The following TRMT10A variants were observed in gnomAD, a reference collection of about 807,000 sequenced individuals.
TRMT10A encodes tRNA methyltransferase 10 homolog A.
Under a neutral mutation model 40.4 loss-of-function variants are expected in TRMT10A, and 37 were observed. The observed-to-expected ratio is 0.92, with a 90% CI of 0.71 to 1.21. TRMT10A has a LOEUF of 1.21. TRMT10A is among the 50% of genes most tolerant of loss of function. The probability of loss-of-function intolerance (pLI) is 0.00; values close to 1 mark genes in which losing one functional copy is unlikely to be tolerated. For missense variants in TRMT10A, 388 were observed against 404.3 expected (o/e 0.96, Z 0.35); for synonymous variants, 103 against 134.1 (o/e 0.77, Z 1.60).
At chr4:99,561,576 C>G (rs539013950) in intron 1 of TRMT10A, among the ~76,000 whole-genome samples, 1 of 152,178 alleles carries the variant, frequency 6.6e-6, no homozygotes, top group Non-Finnish European at 1.5e-5. Context: ...AACCTGATAT[C>G]TTATAAATTA....
At chr4:99,555,942 G>C (rs1724145766) in intron 5 of TRMT10A, among the ~76,000 whole-genome samples, 2 of 152,152 alleles carry the variant, frequency 1.3e-5, no homozygotes, top group Admixed American at 1.3e-4. Flanking sequence ...AAATAGGGAA[G>C]ATTTAATGAG....
intron 4 of TRMT10A, 85 bp downstream of exon 4, chr4:99,557,260 G>T (rs1724197038): frequency 1.5e-6 from 2 of 1,364,190 alleles, no homozygotes; most frequent in East Asian, 2.4e-5. Context: ...TAAGACTACT[G>T]CAAAGACTAT....
chr4:99,563,153 ACGT>A (rs2110198577), intron 1 of TRMT10A, among the ~76,000 whole-genome samples: 2 of 152,322 alleles, frequency 1.3e-5, no homozygotes, highest in South Asian at 4.2e-4. Context: ...TGCGGACTAA[ACGT>A]GGAGGAGCGA....
At chr4:99,562,940 G>GC (rs915523891) in intron 1 of TRMT10A, among the ~76,000 whole-genome samples, 8 of 152,028 alleles carry the variant, frequency 5.3e-5, no homozygotes, top group Non-Finnish European at 8.8e-5. Context: ...TCCTGCCTCA[G>GC]CCCCCCCAGT....
chr4:99,559,554 A>G (rs1171732926), intron 1 of TRMT10A, among the ~76,000 whole-genome samples, 193 bp from the exon 2 acceptor site: 1 of 152,232 alleles, frequency 6.6e-6, no homozygotes, highest in Non-Finnish European at 1.5e-5. Context: ...GTCTAAAGAA[A>G]TGGGGTGTTT....
intron 4 of TRMT10A, among the ~76,000 whole-genome samples, chr4:99,556,948 G>T (rs1255956718): frequency 6.6e-6 from 1 of 152,098 alleles, no homozygotes; most frequent in East Asian, 1.9e-4. Context: ...CCTTTAAGTA[G>T]ACAAAATCTA....
Position 99,549,358 on chromosome 4 carries a change from T to A in TRMT10A, c.752-2A>T. 6.2e-7 allele frequency: 1 copy of A among 1,613,650 alleles called. No homozygotes were observed. Among genetic ancestry groups the A allele is most frequent in the Non-Finnish European group, 8.5e-7 (1 of 1,179,692 alleles). ...GGTATTCCAGAATAATTTCAAACACTGCAATAAAGACATATTCCGTACATT... is the reference window on the plus strand; with the variant it reads ...GGTATTCCAGAATAATTTCAAACACAGCAATAAAGACATATTCCGTACATT... On this transcript the variant is annotated splice_acceptor_variant, in intron 7 of 7. Coordinates refer to ENST00000394876, the MANE Select transcript of TRMT10A (RefSeq NM_001134665.3). LOFTEE classifies it high-confidence loss of function.
At chr4:99,551,192 T>G (rs1300587068) in intron 6 of TRMT10A, among the ~76,000 whole-genome samples, 1 of 152,166 alleles carries the variant, frequency 6.6e-6, no homozygotes, top group Non-Finnish European at 1.5e-5. Context: ...GTGCAGAGCA[T>G]TTGTTTTAAG....
At chr4:99,562,201 A>ATGTGTGTGTGTGTGTT (rs1553924867) in intron 1 of TRMT10A, among the ~76,000 whole-genome samples, 141 of 136,176 alleles carry the variant, frequency 1.0e-3, no homozygotes, top group African/African-American at 3.1e-3. Flanking sequence ...ATATATATAT[A>ATGTGTGTGTGTGTGTT]TGTGTGTGTG....
rs1723820209 is a variant in TRMT10A at position 99,548,423 on chromosome 4, CTT to C, written c.*663_*664del. 1 of 152,040 alleles carries C rather than the reference CTT, an allele frequency of 6.6e-6. No homozygotes were observed. Among genetic ancestry groups the C allele is most frequent in the Non-Finnish European group, 1.5e-5 (1 of 67,960 alleles). 9.4% of individuals were successfully genotyped at this position (152,040 alleles called of 1,614,324 possible). On this transcript the variant is annotated 3_prime_UTR_variant, in exon 8 of 8. Coordinates refer to ENST00000394876, the MANE Select transcript of TRMT10A (RefSeq NM_001134665.3). ...AAATTCAATTTTATAATTGAAGTAACTTATCACCATTGTAAGAATTAAGAAAA... is the reference window on the plus strand; with the variant it reads ...AAATTCAATTTTATAATTGAAGTAACATCACCATTGTAAGAATTAAGAAAA...
intron 1 of TRMT10A, chr4:99,563,522 G>A (rs944769610): frequency 9.5e-6 from 2 of 211,324 alleles, no homozygotes; most frequent in Non-Finnish European, 9.9e-6. Context: ...CGGCCCTTTA[G>A]AGTACAGATT....
In TRMT10A at chr4:99,557,353, G is replaced by C; in HGVS notation, c.412C>G (p.Pro138Ala). 1 of 1,613,044 alleles carries C rather than the reference G, an allele frequency of 6.2e-7. No individual in the cohort carries two copies. The highest frequency in any genetic ancestry group is 8.5e-7 in the Non-Finnish European group (1 of 1,179,302). The part of the protein sequence containing the change: ...CYAENRRALH[P>A]VQFYLTSHGG... ...AAAATCTTTACACATACCTGCACAG[G>C]ATGCAGTGCCCGTCGGTTTTCTGCG... Residue 138 changes from proline (P) to alanine (A), a missense_variant, in exon 4 of 8, where the codon CCT becomes GCT. Coordinates refer to ENST00000394876, the MANE Select transcript of TRMT10A (RefSeq NM_001134665.3).
chr4:99,554,903 C>T (rs1491233), intron 5 of TRMT10A, among the ~76,000 whole-genome samples: 90,369 of 151,952 alleles, frequency 0.59, 30,238 homozygotes, highest in African/African-American at 0.9. Context: ...GCCACATTGA[C>T]TGCATAAAAG....
chr4:99,559,954 A>C (rs1476068367), intron 1 of TRMT10A, among the ~76,000 whole-genome samples: 3 of 152,154 alleles, frequency 2.0e-5, no homozygotes, highest in Non-Finnish European at 4.4e-5. Context: ...AGGTATACAC[A>C]CACACGTTTA....
At chr4:99,554,451 G>A (rs947180091) in intron 5 of TRMT10A, among the ~76,000 whole-genome samples, 2 of 152,088 alleles carry the variant, frequency 1.3e-5, no homozygotes, top group African/African-American at 2.4e-5. Context: ...GGCCACGTGC[G>A]GTGGCTCATG....
intron 1 of TRMT10A, among the ~76,000 whole-genome samples, chr4:99,561,052 C>T (rs1382491305): frequency 6.6e-6 from 1 of 151,876 alleles, no homozygotes; most frequent in African/African-American, 2.4e-5. Context: ...CTGCAACCTC[C>T]GCCTCCCAGG....
Position 99,553,809 on chromosome 4 carries a change from T to C in TRMT10A, c.621A>G (p.Gly207=), listed in dbSNP as rs531235023. The part of the protein sequence containing the change: ...LDESKAYVIG[G]LVDHNHHKGL... ...CCTTGTGATGGTTGTGATCTACTAA[T>C]CCTCCAATCACATAGGCCTTTGATT... Residue 207 remains glycine (G), a synonymous_variant, in exon 6 of 8, where the codon GGA becomes GGG. Coordinates refer to ENST00000394876, the MANE Select transcript of TRMT10A (RefSeq NM_001134665.3). 5 of 1,611,920 alleles carry C rather than the reference T, an allele frequency of 3.1e-6. No homozygotes were observed. In the South Asian group the frequency reaches 5.5e-5, roughly 18 times the overall value.
Position 99,558,212 on chromosome 4 carries a change from C to T in TRMT10A, c.186-1G>A. The T allele has an allele frequency of 6.3e-7, 1 of 1,590,320 alleles. No homozygotes were observed. Among genetic ancestry groups the T allele is most frequent in the South Asian group, 1.2e-5 (1 of 86,344 alleles). The stretch of plus-strand genomic sequence containing the variant: ...CTTGCGTTTTTCTTTTCGCTTTTGT[C>T]TAAAATTAGTAATTGAAATAACATT... On this transcript the variant is annotated splice_acceptor_variant, in intron 2 of 7. Coordinates refer to ENST00000394876, the MANE Select transcript of TRMT10A (RefSeq NM_001134665.3). LOFTEE classifies it high-confidence loss of function.
In TRMT10A at chr4:99,556,203, G is replaced by C. The variant is rs767404604; in HGVS notation, c.438C>G (p.His146Gln). The change falls in exon 5 of 8, where the codon CAC becomes CAG. Residue 146 changes from histidine (H) to glutamine (Q), a missense_variant. Physicochemically the swap from His to Gln is conservative, Grantham distance 24. Transcript: ENST00000394876. ...LHPVQFYLTS[H>Q]GGQLKKNMDE... ...CCATGTTCTTTTTCAGCTGGCCTCC[G>C]TGGCTTGTCAAGTAAAACTGATAAA... 8.1e-6 allele frequency: 13 copies of C among 1,613,166 alleles called. No individual in the cohort carries two copies. The highest frequency in any genetic ancestry group is 1.3e-5 in the African/African-American group (1 of 74,864).
Sources: gnomAD v4.1 joint callset for allele counts (sites outside exome capture counted in the v4.1 genomes callset) on GRCh38, gnomAD v4.1.1 for gene constraint, MANE v1.5 for transcripts, NCBI Gene and HGNC (gene_info 2026-07-23, HGNC 2026-07-21) for gene names.